Variants in CALN1 observed in about 807,000 individuals in gnomAD.
The protein encoded by CALN1 is calneuron 1, also known as calcium-binding protein 8.
CALN1 carries 17 observed loss-of-function variants against 30.6 expected under a neutral mutation model. The observed-to-expected ratio is 0.56, with a 90% CI of 0.38 to 0.83. The LOEUF is 0.83. Among genes scored for constraint, CALN1 ranks in the 40% least tolerant of loss-of-function variants. CALN1 has a pLI of 0.00. For synonymous variants in CALN1, 156 were observed against 131.4 expected (o/e 1.19, Z -1.28); for missense variants, 291 against 354.9 (o/e 0.82, Z 1.45).
chr7:72,486,603 C>A, the CALN1 span, among the ~76,000 whole-genome samples: 17 of 152,190 alleles, frequency 1.1e-4, no homozygotes, highest in South Asian at 3.3e-3. Flanking sequence ...AAACTCCTGA[C>A]CTCAAGTAAT....
chr7:72,105,057 TGTG>T (rs1473021891), intron 4 of CALN1, among the ~76,000 whole-genome samples: 1 of 149,702 alleles, frequency 6.7e-6, no homozygotes, highest in Non-Finnish European at 1.5e-5. Flanking sequence ...GGTGAGAACA[TGTG>T]GTGCTTGGCG....
intron 2 of CALN1, among the ~76,000 whole-genome samples, chr7:72,373,222 G>T (rs2968538): frequency 6.6e-6 from 1 of 151,966 alleles, no homozygotes; most frequent in East Asian, 1.9e-4. Flanking sequence ...GGAAAAAAAG[G>T]AAGTTTGGGA....
At chr7:72,210,427 G>C (rs986152364) in intron 3 of CALN1, among the ~76,000 whole-genome samples, 2 of 152,160 alleles carry the variant, frequency 1.3e-5, no homozygotes, top group Non-Finnish European at 2.9e-5. Flanking sequence ...AGCACTTTGG[G>C]AGGCTGCATT....
rs1368087566 is a variant in CALN1 at position 71,784,190 on chromosome 7, G to C, written c.*3585C>G. 2 of 152,174 alleles carry C rather than the reference G, an allele frequency of 1.3e-5. No individual in the cohort carries two copies. Among genetic ancestry groups the C allele is most frequent in the African/African-American group, 4.8e-5 (2 of 41,450 alleles). 9.4% of individuals were successfully genotyped at this position (152,174 alleles called of 1,614,324 possible). On this transcript the variant is annotated 3_prime_UTR_variant, in exon 7 of 7. Transcript: ENST00000395275. ...TGGGAGTAGGGATGGGGAGATACCAGGGCTTACAGGTAGCTCCTGCTCTCC... is the reference window on the plus strand; with the variant it reads ...TGGGAGTAGGGATGGGGAGATACCACGGCTTACAGGTAGCTCCTGCTCTCC...
At chr7:72,500,297 T>C in the CALN1 span, among the ~76,000 whole-genome samples, 4 of 114,868 alleles carry the variant, frequency 3.5e-5, no homozygotes, top group African/African-American at 7.3e-5. Context: ...TTTTTTTTTT[T>C]TTTGAGACAG....
the CALN1 span, among the ~76,000 whole-genome samples, chr7:72,464,551 G>T: frequency 2.0e-5 from 3 of 152,260 alleles, no homozygotes; most frequent in East Asian, 5.8e-4. Context: ...TGTTCCGTGT[G>T]GTCAAGGTCC....
the CALN1 span, among the ~76,000 whole-genome samples, chr7:72,459,660 A>C: frequency 6.6e-6 from 1 of 151,552 alleles, no homozygotes; most frequent in African/African-American, 2.4e-5. Flanking sequence ...AGACCAACCT[A>C]AATGTGGAAA....
At chr7:72,067,464 G>T (rs1209042054) in intron 4 of CALN1, among the ~76,000 whole-genome samples, 1 of 151,854 alleles carries the variant, frequency 6.6e-6, no homozygotes, top group Non-Finnish European at 1.5e-5. Context: ...TGCCCAGGCT[G>T]GTCTCAAACT....
intron 3 of CALN1, among the ~76,000 whole-genome samples, chr7:72,145,460 G>A (rs1436841680): frequency 6.6e-6 from 1 of 152,130 alleles, no homozygotes; most frequent in Non-Finnish European, 1.5e-5. Context: ...AACAGGCTCT[G>A]AAGTTGAGGC....
the CALN1 span, among the ~76,000 whole-genome samples, chr7:72,497,229 C>G: frequency 6.6e-6 from 1 of 152,160 alleles, no homozygotes; most frequent in Admixed American, 6.5e-5. Context: ...CACCTGAGGT[C>G]AGGAGTTCAA....
chr7:71,994,916 G>C (rs952636526), intron 5 of CALN1, among the ~76,000 whole-genome samples: 4 of 148,696 alleles, frequency 2.7e-5, no homozygotes, highest in African/African-American at 5.0e-5. Context: ...GCAGTGGCGC[G>C]ATCTCAGCTC....
rs146975928 is a variant in CALN1 at position 72,180,537 on chromosome 7, T to A, written c.245-74243A>T. Among the ~76,000 whole-genome samples, 1,254 of 152,032 alleles carry A rather than the reference T, an allele frequency of 8.2e-3. 20 individuals carry two copies. Among genetic ancestry groups the A allele is most frequent in the Middle Eastern group, 0.021 (6 of 292 alleles). On this transcript the variant is annotated intron_variant, in intron 3 of 6. Coordinates refer to ENST00000395275, the MANE Select transcript of CALN1 (RefSeq NM_031468.4). Reference sequence around the variant, plus strand: ...ACAGAAGGTGTCCTTTTTTTTTTTTTTTTTAATCAACTTGGGCTATTTGGT... The same window carrying A: ...ACAGAAGGTGTCCTTTTTTTTTTTTATTTTAATCAACTTGGGCTATTTGGT...
intron 5 of CALN1, among the ~76,000 whole-genome samples, chr7:71,960,519 ATGGCTG>A (rs1797197160): frequency 6.6e-6 from 1 of 152,138 alleles, no homozygotes; most frequent in Non-Finnish European, 1.5e-5. Context: ...ATTCTTTTTT[ATGGCTG>A]AGTAGTATTC....
At chr7:71,972,099 C>T (rs761713832) in intron 5 of CALN1, among the ~76,000 whole-genome samples, 2 of 151,982 alleles carry the variant, frequency 1.3e-5, no homozygotes, top group Admixed American at 6.6e-5. Flanking sequence ...TGAATACGGA[C>T]GTAGTACCCA....
At chr7:71,806,273 C>CACACACATGCACACACACAA (rs140985723) in intron 6 of CALN1, among the ~76,000 whole-genome samples, 25,364 of 149,788 alleles carry the variant, frequency 0.17, 3,190 homozygotes, top group East Asian at 0.6. Context: ...CACACACAAA[C>CACACACATGCACACACACAA]ACACACACAC....
At chr7:71,845,484 C>A (rs559503647) in intron 5 of CALN1, among the ~76,000 whole-genome samples, 2 of 152,192 alleles carry the variant, frequency 1.3e-5, no homozygotes, top group African/African-American at 2.4e-5. Context: ...GCTTTGTTCA[C>A]GGCCCAAGCC....
intron 5 of CALN1, among the ~76,000 whole-genome samples, chr7:71,928,474 G>C (rs892245767): frequency 1.1e-4 from 17 of 149,176 alleles, no homozygotes; most frequent in African/African-American, 4.2e-4. Flanking sequence ...AGGTCTGTCC[G>C]TGTTTTGTAC....
At chr7:71,792,307 C>T (rs1005609184) in intron 6 of CALN1, among the ~76,000 whole-genome samples, 2 of 152,174 alleles carry the variant, frequency 1.3e-5, no homozygotes, top group South Asian at 2.1e-4. Context: ...GTGAGCCAGC[C>T]GCAACCCCCA....
intron 6 of CALN1, among the ~76,000 whole-genome samples, chr7:71,793,846 A>G (rs1248843377): frequency 6.6e-6 from 1 of 151,586 alleles, no homozygotes; most frequent in Non-Finnish European, 1.5e-5. Flanking sequence ...CCTGGGTGAC[A>G]GAGCAAGACT....
Sources: allele counts gnomAD v4.1 joint callset (sites outside exome capture counted in the v4.1 genomes callset), GRCh38; gene constraint gnomAD v4.1.1; transcripts MANE v1.5; gene names NCBI Gene and HGNC (gene_info 2026-07-23, HGNC 2026-07-21).